CCDC102B: variants seen among roughly 807,000 people sequenced by gnomAD.
CCDC102B encodes coiled-coil domain containing 102B, also known as coiled-coil domain-containing protein 102B.
Under a neutral mutation model 57.4 loss-of-function variants are expected in CCDC102B, and 75 were observed. The ratio of observed to expected loss-of-function variants is 1.31; its 90% confidence interval spans 1.08 to 1.58. CCDC102B has a LOEUF of 1.58. Among genes scored for constraint, CCDC102B ranks in the 40% most tolerant of loss-of-function variants. The probability of loss-of-function intolerance (pLI) is 0.00; values close to 1 mark genes in which losing one functional copy is unlikely to be tolerated. For synonymous variants in CCDC102B, 206 were observed against 201.9 expected, an observed-to-expected ratio of 1.02 and a Z score of -0.17; for missense variants, 636 against 582.6, an observed-to-expected ratio of 1.09 and a Z score of -0.94.
rs116952019 is a variant in CCDC102B at position 68,966,581 on chromosome 18, C to G, written c.1264-44353C>G. On this transcript the variant is annotated intron_variant, in intron 6 of 7. Coordinates refer to ENST00000360242, the MANE Select transcript of CCDC102B (RefSeq NM_024781.3). ...GAGTTTATCTCAATATCTGCCCATC[C>G]TTTGGCTTTGGATCAACCTTTTGCA... is the stretch of plus-strand genomic sequence containing the variant. 9.9e-5 allele frequency among the ~76,000 whole-genome samples: 15 copies of G among 152,210 alleles called. No homozygotes were observed. In the East Asian group the frequency reaches 2.7e-3, roughly 27 times the overall value.
At chr18:68,966,858 G>A (rs796704381) in intron 6 of CCDC102B, among the ~76,000 whole-genome samples, 22 of 152,214 alleles carry the variant, frequency 1.4e-4, no homozygotes, top group African/African-American at 5.3e-4. Flanking sequence ...GTTCTTTTCT[G>A]TTTTACTGAA....
intron 7 of CCDC102B, among the ~76,000 whole-genome samples, chr18:69,030,895 C>T (rs1205707088): frequency 2.0e-5 from 3 of 152,232 alleles, no homozygotes. Context: ...CCTCATGATC[C>T]GCCTGCCTTG....
chr18:68,939,781 G>A (rs1198128633), intron 6 of CCDC102B, among the ~76,000 whole-genome samples: 2 of 151,574 alleles, frequency 1.3e-5, no homozygotes, highest in Non-Finnish European at 3.0e-5. Context: ...ATAAAAACTT[G>A]AATAAAAATT....
intron 2 of CCDC102B, chr18:68,721,340 C>T (rs1372720805): frequency 6.6e-6 from 1 of 152,166 alleles, no homozygotes; most frequent in Non-Finnish European, 1.5e-5. Flanking sequence ...CCACCCTTGT[C>T]CCTACAACCC....
intron 7 of CCDC102B, among the ~76,000 whole-genome samples, chr18:69,041,856 C>T (rs919654156): frequency 2.0e-5 from 3 of 151,874 alleles, no homozygotes; most frequent in Non-Finnish European, 4.4e-5. Flanking sequence ...GTTATTCAGC[C>T]CTTTCCAAAC....
chr18:68,973,204 G>T (rs932412654), intron 6 of CCDC102B, among the ~76,000 whole-genome samples: 2 of 152,030 alleles, frequency 1.3e-5, no homozygotes, highest in Non-Finnish European at 2.9e-5. Context: ...CTTGTTTGAT[G>T]GAGGGAGCTC....
At chr18:68,815,251 T>C (rs2036427649) in intron 1 of CCDC102B, among the ~76,000 whole-genome samples, 1 of 152,134 alleles carries the variant, frequency 6.6e-6, no homozygotes, top group African/African-American at 2.4e-5. Context: ...TTTACACACA[T>C]ACAAACACGG....
chr18:69,022,551 T>A (rs1407255331), intron 7 of CCDC102B, among the ~76,000 whole-genome samples: 3 of 152,088 alleles, frequency 2.0e-5, no homozygotes. Context: ...CCTTCTTTTT[T>A]ACCTCCTTTG....
At chr18:68,808,359 C>T (rs758970027) in intron 1 of CCDC102B, among the ~76,000 whole-genome samples, 2 of 151,546 alleles carry the variant, frequency 1.3e-5, no homozygotes, top group African/African-American at 4.8e-5. Flanking sequence ...AGCTGCTGTT[C>T]CTAAAATTTT....
chr18:69,057,377 T>C (rs1443576526), downstream of CCDC102B, among the ~76,000 whole-genome samples: 14 of 151,992 alleles, frequency 9.2e-5, no homozygotes, highest in Admixed American at 8.5e-4. Flanking sequence ...GCAGCTGCAT[T>C]TTACTAGGAG....
At chr18:68,846,894 T>C (rs2037891509) in intron 4 of CCDC102B, among the ~76,000 whole-genome samples, 1 of 151,784 alleles carries the variant, frequency 6.6e-6, no homozygotes, top group Admixed American at 6.6e-5. Context: ...CATATTGAGG[T>C]TCTTTTCATA....
chr18:68,876,504 C>T (rs760632965), intron 5 of CCDC102B, among the ~76,000 whole-genome samples: 6 of 152,070 alleles, frequency 3.9e-5, no homozygotes, highest in East Asian at 1.9e-4. Context: ...ATTAGAACTC[C>T]GGGGTCATCA....
chr18:68,883,536 C>G (rs1305376427), intron 5 of CCDC102B, among the ~76,000 whole-genome samples: 1 of 152,174 alleles, frequency 6.6e-6, no homozygotes, highest in Non-Finnish European at 1.5e-5. Flanking sequence ...CTAGATCTCT[C>G]CCTTCTTCTC....
At chr18:68,734,203 GAATA>G (rs1297828175) in intron 2 of CCDC102B, among the ~76,000 whole-genome samples, 1 of 152,210 alleles carries the variant, frequency 6.6e-6, no homozygotes, top group Admixed American at 6.5e-5. Flanking sequence ...GAACAGAAGA[GAATA>G]GTTAGCTTCC....
At chr18:68,801,955 A>G (rs2035869236) in intron 1 of CCDC102B, among the ~76,000 whole-genome samples, 1 of 152,172 alleles carries the variant, frequency 6.6e-6, no homozygotes, top group East Asian at 1.9e-4. Context: ...TTCTTTTGAC[A>G]TGAAGGGTTT....
chr18:68,897,500 C>G (rs968844502), intron 6 of CCDC102B, 72 bp downstream of exon 6: 2 of 1,556,822 alleles, frequency 1.3e-6, no homozygotes, highest in East Asian at 2.2e-5. Flanking sequence ...TCTGTCTTCA[C>G]TCGTACACGC....
Position 68,838,914 on chromosome 18 carries a change from G to A in CCDC102B, c.815G>A (p.Trp272Ter). 6.2e-7 allele frequency: 1 copy of A among 1,613,424 alleles called. No homozygotes were observed. The highest frequency in any genetic ancestry group is 8.5e-7 in the Non-Finnish European group (1 of 1,179,576). The change falls in exon 3 of 8, where the codon TGG (tryptophan) becomes TAG (stop). Residue 272 changes from tryptophan (W) to a stop codon, truncating the protein, a stop_gained. Transcript: ENST00000360242. LOFTEE classifies it high-confidence loss of function. ...TTGGATGAATTCCAAAAAATCTTATGGAAGGAAAGAGAGTAAGTGCTAATC... is the reference window on the plus strand; with the variant it reads ...TTGGATGAATTCCAAAAAATCTTATAGAAGGAAAGAGAGTAAGTGCTAATC... ...VHLDEFQKIL[W>*]KEREMRTALE... is the part of the protein sequence containing the mutation.
At position 69,034,573 on chromosome 18, in the gene CCDC102B, G is replaced by A. The variant is rs962818754; in HGVS notation, c.1435-19457G>A. 2.0e-5 allele frequency among the ~76,000 whole-genome samples: 3 copies of A among 151,986 alleles called. No individual in the cohort carries two copies. The East Asian group carries it at 5.8e-4, about 29-fold the overall frequency. On this transcript the variant is annotated intron_variant, in intron 7 of 7. Coordinates refer to ENST00000360242, the MANE Select transcript of CCDC102B (RefSeq NM_024781.3). ...ACAATTATATTCCACTGGTCTATAT[G>A]TCTATGCTTAAGCCAGTAAAACATT...
At chr18:68,819,111 A>G (rs1341084524) in intron 1 of CCDC102B, among the ~76,000 whole-genome samples, 1 of 152,146 alleles carries the variant, frequency 6.6e-6, no homozygotes, top group Admixed American at 6.5e-5. Context: ...CATAGGTTTA[A>G]TAAAATACTT....
Sources: gnomAD v4.1 joint callset for allele counts (sites outside exome capture counted in the v4.1 genomes callset) on GRCh38, gnomAD v4.1.1 for gene constraint, MANE v1.5 for transcripts, NCBI Gene and HGNC (gene_info 2026-07-23, HGNC 2026-07-21) for gene names.